The following DHX29 variants were observed in gnomAD, a reference collection of about 807,000 sequenced individuals.
DHX29 encodes DExH-box helicase 29.
DHX29 carries 79 observed loss-of-function variants against 167.9 expected under a neutral mutation model. The observed-to-expected ratio is 0.47, with a 90% confidence interval of 0.39 to 0.57. DHX29 has a LOEUF of 0.57. Among genes scored for constraint, DHX29 ranks in the 20% least tolerant of loss-of-function variants. The pLI, the probability that DHX29 is intolerant of heterozygous loss-of-function variation, is 0.00. For missense variants in DHX29, 1,347 were observed against 1,593.4 expected (o/e 0.85, Z 2.63); for synonymous variants, 530 against 546.0 (o/e 0.97, Z 0.41).
At chr5:55,294,909 G>A (rs1194437507) in intron 5 of DHX29, 2 of 154,030 alleles carry the variant, frequency 1.3e-5, no homozygotes, top group Non-Finnish European at 2.9e-5. Flanking sequence ...GCAGGAGTTT[G>A]ATAAGAATTT....
Position 55,307,423 on chromosome 5 carries a change from C to T in DHX29, c.151G>A (p.Ala51Thr), listed in dbSNP as rs748953559. 1.2e-6 allele frequency: 2 copies of T among 1,612,632 alleles called. No individual in the cohort carries two copies. Among genetic ancestry groups the T allele is most frequent in the East Asian group, 2.2e-5 (1 of 44,872 alleles). The change falls in exon 1 of 27, where the codon GCC becomes ACC. Residue 51 changes from alanine to threonine, a missense_variant. By Grantham distance (58) the Ala-to-Thr change is moderately conservative. Around this residue, in one of 3 missense-constraint regions of DHX29, gnomAD observed 405 missense variants for 416.8 expected, o/e 0.97. Transcript: ENST00000251636. The stretch of plus-strand genomic sequence containing the variant: ...CGGGGCTCCCTGGAGCCGGCAGCGG[C>T]AGCGGCAGCGGTGGCCGGCCTGGAC... ...PVSRPATAAA[A>T]AAGSREPRVK...
At chr5:55,290,388 G>T in intron 6 of DHX29, 44 bp from the exon 7 acceptor site, 1 of 1,548,956 alleles carries the variant, frequency 6.5e-7, no homozygotes, top group Non-Finnish European at 8.7e-7. Context: ...AAAAAGAAGA[G>T]CAAGATTAGT....
In DHX29 at chr5:55,261,403, G is replaced by A. The variant is rs375321833; in HGVS notation, c.3925C>T (p.Arg1309Cys). 26 of 1,579,152 alleles carry A rather than the reference G, an allele frequency of 1.6e-5. No homozygotes were observed. Among genetic ancestry groups the A allele is most frequent in the Admixed American group, 6.8e-5 (4 of 58,850 alleles). The change falls in exon 25 of 27, where the codon CGT becomes TGT. Residue 1309 changes from arginine to cysteine, a missense_variant. Arg to Cys is a radical substitution (Grantham distance 180). Coordinates refer to ENST00000251636, the MANE Select transcript of DHX29 (RefSeq NM_019030.4). ...GGDIEVQHRE[R>C]LLSIDGWIYF... The stretch of plus-strand genomic sequence containing the variant: ...ATCCAGCCATCAATAGAAAGAAGAC[G>A]TTCTCGGTGCTGAACTTCTATATCA...
rs369786013 is a variant in DHX29 at position 55,283,698 on chromosome 5, A to C, written c.1470T>G (p.Leu490=). Residue 490 remains leucine, a synonymous_variant, in exon 11 of 27, where the codon CTT becomes CTG. Coordinates refer to ENST00000251636, the MANE Select transcript of DHX29 (RefSeq NM_019030.4). ...GTTTATTCAGAAGTTTGGCAATAAA[A>C]AGATCACGTGGTTTATTGGTTTCCA... ...NKMETNKPRD[L]FIAKLLNKLK... 6.2e-7 allele frequency: 1 copy of C among 1,613,982 alleles called. No individual in the cohort carries two copies. The highest frequency in any genetic ancestry group is 1.3e-5 in the African/African-American group (1 of 74,916).
At chr5:55,267,909 A>C in intron 21 of DHX29, 87 bp from the exon 22 acceptor site, 1 of 981,192 alleles carries the variant, frequency 1.0e-6, no homozygotes, top group Non-Finnish European at 1.4e-6. Flanking sequence ...CAAATCATAA[A>C]ACAATCACAC....
chr5:55,288,069 C>T (rs770480756), intron 8 of DHX29, among the ~76,000 whole-genome samples: 13 of 151,568 alleles, frequency 8.6e-5, no homozygotes, highest in Non-Finnish European at 1.5e-4. Context: ...ATGGCGAAAC[C>T]CCATCTCTAC....
rs1482202939 is a variant in DHX29 at position 55,283,872 on chromosome 5, T to C, written c.1357-61A>G. On this transcript the variant is annotated intron_variant, in intron 10 of 26. Coordinates refer to ENST00000251636, the MANE Select transcript of DHX29 (RefSeq NM_019030.4). Reference sequence around the variant, plus strand: ...CTATTCAATATGGAAATTCAATAGATTAGCACTTAAAAGGATAGCTATATT... The same window carrying C: ...CTATTCAATATGGAAATTCAATAGACTAGCACTTAAAAGGATAGCTATATT... 2.9e-6 allele frequency: 4 copies of C among 1,401,932 alleles called. No homozygotes were observed. The African/African-American group carries it at 5.8e-5, about 20-fold the overall frequency. The allele number at this position is 1,401,932 out of a possible 1,614,324, so 86.8% of individuals were successfully genotyped here.
Position 55,274,740 on chromosome 5 carries a change from T to G in DHX29, c.2573-9A>C. The G allele has an allele frequency of 1.3e-6, 2 of 1,576,834 alleles. No homozygotes were observed. The highest frequency in any genetic ancestry group is 4.0e-5 in the Admixed American group (2 of 50,276). On this transcript the variant is annotated splice_polypyrimidine_tract_variant and intron_variant, in intron 15 of 26. Coordinates refer to ENST00000251636, the MANE Select transcript of DHX29 (RefSeq NM_019030.4). ...GAATTGGGGACTTTTATCTGAAATTTTTAAAAAGATACAATATTCAAAATA... is the reference window on the plus strand; with the variant it reads ...GAATTGGGGACTTTTATCTGAAATTGTTAAAAAGATACAATATTCAAAATA...
chr5:55,289,788 G>A (rs1024894243), intron 7 of DHX29, among the ~76,000 whole-genome samples: 2 of 152,124 alleles, frequency 1.3e-5, no homozygotes, highest in Admixed American at 6.5e-5. Context: ...ATATTTTATG[G>A]TATAAAAATC....
rs1747907642 is a variant in DHX29, at chr5:55,289,275, T to C, written c.1061A>G (p.Glu354Gly). Residue 354 changes from glutamate (E) to glycine (G), a missense_variant, in exon 8 of 27, where the codon GAG (glutamate) becomes GGG (glycine). Transcript: ENST00000251636. ...CCATCTTCCCTTAATTTTACCTTTC[T>C]CTTCTTCAGTAGCAGCTGCAGATTT... ...FEKSAAATEEEKDKKKEPHDV... is the reference protein window; with the variant it reads ...FEKSAAATEEGKDKKKEPHDV... 5.1e-6 allele frequency: 8 copies of C among 1,564,924 alleles called. No homozygotes were observed. The highest frequency in any genetic ancestry group is 3.9e-4 in the Middle Eastern group (2 of 5,086).
At chr5:55,281,116 GTACACACACACACACACGCTATATATA>G (rs1261517402) in intron 12 of DHX29, among the ~76,000 whole-genome samples, 1 of 144,746 alleles carries the variant, frequency 6.9e-6, no homozygotes, top group Non-Finnish European at 1.5e-5. Flanking sequence ...ATATATATAT[GTACACACACACACACACGCTATATATA>G]TACACACACA....
chr5:55,277,715 G>A (rs1290264917), intron 12 of DHX29, among the ~76,000 whole-genome samples: 1 of 151,916 alleles, frequency 6.6e-6, no homozygotes, highest in Non-Finnish European at 1.5e-5. Context: ...AGACCAGCCT[G>A]GCCAACATGA....
At position 55,295,385 on chromosome 5, in the gene DHX29, C is replaced by A; in HGVS notation, c.645G>T (p.Lys215Asn). 6.2e-7 allele frequency: 1 copy of A among 1,610,280 alleles called. No homozygotes were observed. Among genetic ancestry groups the A allele is most frequent in the Non-Finnish European group, 8.5e-7 (1 of 1,176,680 alleles). Reference protein sequence around the residue: ...PKTKTYEEDPKSKPKKEEKNM... With the variant: ...PKTKTYEEDPNSKPKKEEKNM... ...TGCTTAATTCTCAAATTACCTTACT[C>A]TTAGGGTCCTCTTCATATGTTTTTG... The change falls in exon 5 of 27, where the codon AAG becomes AAT. Residue 215 changes from lysine (K) to asparagine (N), a missense_variant. Lys to Asn is a moderately conservative substitution (Grantham distance 94). This residue lies in a region of DHX29 where 405 missense variants were observed against 416.8 expected (regional missense o/e 0.97). Coordinates refer to ENST00000251636, the MANE Select transcript of DHX29 (RefSeq NM_019030.4).
In DHX29 at chr5:55,274,701, C is replaced by A; in HGVS notation, c.2603G>T (p.Gly868Val). The change falls in exon 16 of 27, where the codon GGA (glycine) becomes GTA (valine). Residue 868 changes from glycine (G) to valine (V), a missense_variant. Transcript: ENST00000251636. ...DKSPQFRNIE[G>V]AVLIFLPGLA... ...TCCTGGTAAAAAGATCAATACTGCTCCTTCAATATTTCTGAATTGGGGACT... is the reference window on the plus strand; with the variant it reads ...TCCTGGTAAAAAGATCAATACTGCTACTTCAATATTTCTGAATTGGGGACT... 1 of 1,595,034 alleles carries A rather than the reference C, an allele frequency of 6.3e-7. No homozygotes were observed. The highest frequency in any genetic ancestry group is 8.5e-7 in the Non-Finnish European group (1 of 1,174,324).
intron 13 of DHX29, 145 bp downstream of exon 13, chr5:55,276,961 A>G (rs1747145366): frequency 3.7e-6 from 2 of 545,976 alleles, no homozygotes. Flanking sequence ...CAGTCATCTG[A>G]TTCTTAAGGC....
intron 1 of DHX29, among the ~76,000 whole-genome samples, chr5:55,306,684 T>C (rs1468047038): frequency 6.6e-6 from 1 of 152,212 alleles, no homozygotes; most frequent in Non-Finnish European, 1.5e-5. Flanking sequence ...AAATATTTCT[T>C]GAATACTCCA....
At chr5:55,285,609 T>G in intron 9 of DHX29, 87 bp downstream of exon 9, 1 of 1,400,148 alleles carries the variant, frequency 7.1e-7, no homozygotes. Flanking sequence ...AATGTCTGCT[T>G]ACCTCACAGG....
chr5:55,256,374 G>T lies in DHX29; in HGVS notation c.*114C>A. The stretch of plus-strand genomic sequence containing the variant: ...TTTTCCCACCACCTTTAAGTTAATG[G>T]CTAGTACCAACATTTTAAGTAATGA... On this transcript the variant is annotated 3_prime_UTR_variant, in exon 27 of 27. Coordinates refer to ENST00000251636, the MANE Select transcript of DHX29 (RefSeq NM_019030.4). 1 of 849,692 alleles carries T rather than the reference G, an allele frequency of 1.2e-6. No individual in the cohort carries two copies. Among genetic ancestry groups the T allele is most frequent in the Non-Finnish European group, 1.7e-6 (1 of 578,874 alleles). 52.6% of individuals were successfully genotyped at this position (849,692 alleles called of 1,614,324 possible).
At chr5:55,285,267 A>C in intron 10 of DHX29, 26 bp downstream of exon 10, 3 of 1,611,806 alleles carry the variant, frequency 1.9e-6, no homozygotes, top group East Asian at 4.5e-5. Context: ...CCACATACAG[A>C]TATAGTTAGG....
Sources: gnomAD v4.1 joint callset for allele counts (sites outside exome capture counted in the v4.1 genomes callset) on GRCh38, gnomAD v4.1.1 for gene constraint, gnomAD v4.1.1 regional missense constraint, MANE v1.5 for transcripts, NCBI Gene and HGNC (gene_info 2026-07-23, HGNC 2026-07-21) for gene names.